MTAP: variants seen among roughly 807,000 people sequenced by gnomAD.
The protein encoded by MTAP is methylthioadenosine phosphorylase, also known as S-methyl-5'-thioadenosine phosphorylase.
In MTAP, 33 loss-of-function variants were observed where a neutral mutation model predicts 33.6. The ratio of observed to expected loss-of-function variants is 0.98; its 90% confidence interval spans 0.74 to 1.31. The LOEUF (loss-of-function observed/expected upper bound fraction) is 1.31. Among genes scored for constraint, MTAP ranks in the 40% most tolerant of loss-of-function variants. MTAP has a pLI of 0.00. For synonymous variants in MTAP, 148 were observed against 125.7 expected (o/e 1.18, Z -1.19); for missense variants, 367 against 360.0 (o/e 1.02, Z -0.16).
At chr9:21,937,765 A>C (rs548465722), downstream of MTAP, 6 of 152,276 alleles carry the variant, frequency 3.9e-5, no homozygotes, top group East Asian at 1.2e-3. Flanking sequence ...TTCTAAACTA[A>C]ATCTTTTTTT....
At chr9:21,856,618 C>T (rs1027607378) in intron 6 of MTAP, among the ~76,000 whole-genome samples, 2 of 152,172 alleles carry the variant, frequency 1.3e-5, no homozygotes, top group Non-Finnish European at 2.9e-5. Context: ...GTAGAACCAG[C>T]AGTGATTTCC....
intron 1 of MTAP, chr9:21,811,915 G>C (rs983531413): frequency 2.9e-6 from 1 of 350,872 alleles, no homozygotes; most frequent in Non-Finnish European, 5.6e-6. Flanking sequence ...TTTATATCTT[G>C]GGGGATCCAA....
chr9:21,864,970 G>A lies in MTAP; in HGVS notation c.*2956G>A. On this transcript the variant is annotated 3_prime_UTR_variant, in exon 8 of 8. Coordinates refer to ENST00000644715, the MANE Select transcript of MTAP (RefSeq NM_002451.4). Reference sequence around the variant, plus strand: ...AATTTTCTCAACAAGCATTTAGCCAGCACTTATCCAGTGAAACAATTTGAT... The same window carrying A: ...AATTTTCTCAACAAGCATTTAGCCAACACTTATCCAGTGAAACAATTTGAT... 1 of 985,452 alleles carries A rather than the reference G, an allele frequency of 1.0e-6. No homozygotes were observed. Among genetic ancestry groups the A allele is most frequent in the Non-Finnish European group, 1.2e-6 (1 of 829,932 alleles). 61.0% of individuals were successfully genotyped at this position (985,452 alleles called of 1,614,324 possible).
chr9:21,892,602 G>C (rs1351456784), intron 1 of MTAP: 1 of 152,154 alleles, frequency 6.6e-6, no homozygotes, highest in African/African-American at 2.4e-5. Context: ...CAATACTGAA[G>C]CACTCAGATT....
chr9:21,818,175 T>C lies in MTAP; in HGVS notation c.320T>C (p.Ile107Thr). The part of the protein sequence containing the change: ...SLREEIQPGD[I>T]VIIDQFIDRT... ...AGGGAGGAGATTCAGCCCGGCGATA[T>C]TGTCATTATTGATCAGTTCATTGAC... The change falls in exon 4 of 8, where the codon ATT (isoleucine) becomes ACT (threonine). Residue 107 changes from isoleucine (I) to threonine (T), a missense_variant. Ile to Thr is a moderately conservative substitution (Grantham distance 89, BLOSUM62 -1). Transcript: ENST00000644715. 2 of 1,614,032 alleles carry C rather than the reference T, an allele frequency of 1.2e-6. No individual in the cohort carries two copies. The highest frequency in any genetic ancestry group is 1.1e-5 in the South Asian group (1 of 91,042).
chr9:21,882,458 G>A (rs1460255871), intron 1 of MTAP, among the ~76,000 whole-genome samples: 1 of 151,974 alleles, frequency 6.6e-6, no homozygotes, highest in Non-Finnish European at 1.5e-5. Flanking sequence ...ATATTAGATT[G>A]TTAGGATGGC....
intron 4 of MTAP, among the ~76,000 whole-genome samples, chr9:21,820,246 G>C (rs1824597831): frequency 6.6e-6 from 1 of 152,112 alleles, no homozygotes; most frequent in Admixed American, 6.5e-5. Context: ...GTATTGCCTA[G>C]GTTTTCTTCT....
chr9:21,886,888 T>G (rs896843136), intron 1 of MTAP, among the ~76,000 whole-genome samples: 2 of 152,210 alleles, frequency 1.3e-5, no homozygotes, highest in African/African-American at 2.4e-5. Context: ...TTCAGATTTG[T>G]TCTTTTCGCT....
intron 1 of MTAP, among the ~76,000 whole-genome samples, chr9:21,915,005 T>C (rs1314498603): frequency 8.0e-5 from 1 of 12,434 alleles, no homozygotes; most frequent in African/African-American, 3.4e-4. Context: ...TTTTCTTTCC[T>C]TCCTTCCTTC....
intron 4 of MTAP, among the ~76,000 whole-genome samples, chr9:21,826,688 C>G (rs1036213107): frequency 1.3e-5 from 2 of 150,920 alleles, no homozygotes; most frequent in African/African-American, 4.9e-5. Flanking sequence ...CTTTACCCCC[C>G]CAAAAAAACA....
rs531149103 is a variant in MTAP at position 21,874,711 on chromosome 9, ATTATAC to A, written c.147+19844_147+19849del. 8.3e-3 allele frequency among the ~76,000 whole-genome samples: 1,182 copies of A among 141,796 alleles called. 9 individuals are homozygous for A. The highest frequency in any genetic ancestry group is 0.014 in the Non-Finnish European group (894 of 65,662). The allele number at this position is 141,796 out of a possible 152,430, so 93.0% of individuals were successfully genotyped here. A position where few individuals can be genotyped will look rare whatever the true frequency, so the allele number is the denominator to read the frequency against. On this transcript the variant is annotated intron_variant, in intron 1 of 1. Transcript: ENST00000577563. ...TCATTTTTCTTTTTTTTTTTTTTTAATTATACTTTAAGTGCTGGGATACATGTGCAG... is the reference window on the plus strand; with the variant it reads ...TCATTTTTCTTTTTTTTTTTTTTTAATTTAAGTGCTGGGATACATGTGCAG...
chr9:21,886,587 C>G (rs552261280), intron 1 of MTAP, among the ~76,000 whole-genome samples: 2 of 152,022 alleles, frequency 1.3e-5, no homozygotes, highest in African/African-American at 4.8e-5. Flanking sequence ...GGTTTCAGGT[C>G]TTTGGTCCAT....
At chr9:21,833,216 C>A (rs867551852) in intron 4 of MTAP, among the ~76,000 whole-genome samples, 1 of 152,208 alleles carries the variant, frequency 6.6e-6, no homozygotes, top group Middle Eastern at 3.4e-3. Flanking sequence ...GAGACAAGAT[C>A]TCACTCTCGC....
intron 5 of MTAP, among the ~76,000 whole-genome samples, chr9:21,844,983 A>G (rs550237448): frequency 2.0e-5 from 3 of 151,212 alleles, no homozygotes; most frequent in Admixed American, 6.6e-5. Flanking sequence ...GTGAGCTGAG[A>G]TCACGCCACT....
chr9:21,936,049 A>G (rs1819037156), downstream of MTAP: 1 of 152,210 alleles, frequency 6.6e-6, no homozygotes, highest in Non-Finnish European at 1.5e-5. Context: ...AAATGTTTTT[A>G]TTTCCGAAGG....
chr9:21,853,163 G>A (rs1447567887), intron 5 of MTAP, among the ~76,000 whole-genome samples: 1 of 152,136 alleles, frequency 6.6e-6, no homozygotes, highest in Non-Finnish European at 1.5e-5. Flanking sequence ...CAGAGTGACA[G>A]TGAGGACTTG....
intron 1 of MTAP, among the ~76,000 whole-genome samples, chr9:21,925,953 T>C (rs916320940): frequency 6.6e-6 from 1 of 152,238 alleles, no homozygotes; most frequent in Admixed American, 6.5e-5. Flanking sequence ...CTTTGCTGCC[T>C]GTGAGGGGAG....
intron 1 of MTAP, among the ~76,000 whole-genome samples, chr9:21,924,412 C>G (rs1223156393): frequency 6.6e-6 from 1 of 152,162 alleles, no homozygotes; most frequent in Admixed American, 6.5e-5. Flanking sequence ...GAGCAGGAAT[C>G]TTGACCAGAA....
At chr9:21,818,358 C>T (rs1280885649) in intron 4 of MTAP, among the ~76,000 whole-genome samples, 156 bp downstream of exon 4, 1 of 125,460 alleles carries the variant, frequency 8.0e-6, no homozygotes, top group Non-Finnish European at 1.6e-5. Flanking sequence ...GACGGAGCCT[C>T]ACTCTGTCTC....
Sources: allele counts gnomAD v4.1 joint callset (sites outside exome capture counted in the v4.1 genomes callset), GRCh38; gene constraint gnomAD v4.1.1; transcripts MANE v1.5; gene names NCBI Gene and HGNC (gene_info 2026-07-23, HGNC 2026-07-21).